Variants in BACE2 observed in about 807,000 individuals in gnomAD.
BACE2 encodes beta-secretase 2, also known as 56 kDa aspartic-like protease.
A neutral mutation model predicts 46.2 loss-of-function variants in BACE2; 17 were observed. The ratio of observed to expected loss-of-function variants is 0.37; its 90% CI spans 0.25 to 0.55. BACE2 has a LOEUF of 0.55. Among genes scored for constraint, BACE2 ranks in the 20% least tolerant of loss-of-function variants. BACE2 has a pLI of 0.82. For missense variants in BACE2, 595 were observed against 698.1 expected (o/e 0.85, Z 1.66); for synonymous variants, 277 against 295.9 (o/e 0.94, Z 0.66).
intron 1 of BACE2, among the ~76,000 whole-genome samples, chr21:41,186,957 C>T (rs2123506970): frequency 6.6e-6 from 1 of 152,336 alleles, no homozygotes; most frequent in Middle Eastern, 3.4e-3. Flanking sequence ...AAACGGTAAA[C>T]CGACATGGCA....
intron 1 of BACE2, among the ~76,000 whole-genome samples, chr21:41,223,083 G>A (rs1450876264): frequency 6.6e-6 from 1 of 152,210 alleles, no homozygotes; most frequent in Non-Finnish European, 1.5e-5. Context: ...GCCAGGTGCA[G>A]TGGCTCATGC....
In BACE2 at chr21:41,246,075, G is replaced by A. The variant is rs761838278; in HGVS notation, c.984+12G>A. 29 of 1,582,126 alleles carry A rather than the reference G, an allele frequency of 1.8e-5. 1 individual carries two copies. In the South Asian group the frequency reaches 2.3e-4, roughly 13 times the overall value. On this transcript the variant is annotated intron_variant, in intron 6 of 8. Coordinates refer to ENST00000330333, the MANE Select transcript of BACE2 (RefSeq NM_012105.5). The stretch of plus-strand genomic sequence containing the variant: ...CCCGCGCATCTCTGGTGAGTCCTCG[G>A]GACACTCACGGGTCCCCGAGTTGCT...
At position 41,277,582 on chromosome 21, in the gene BACE2, C is replaced by T. The variant is rs2088504585; in HGVS notation, c.*1958C>T. 1 of 152,218 alleles carries T rather than the reference C, an allele frequency of 6.6e-6. No individual in the cohort carries two copies. The highest frequency in any genetic ancestry group is 2.4e-5 in the African/African-American group (1 of 41,446). The allele number at this position is 152,218 out of a possible 1,614,324, so 9.4% of individuals were successfully genotyped here. The stretch of plus-strand genomic sequence containing the variant: ...TGAAGCCAACACCCCTAGATTGTGC[C>T]TTCACCCTTGCTGTGAAAAATTCAA... On this transcript the variant is annotated 3_prime_UTR_variant, in exon 9 of 9. Transcript: ENST00000330333.
chr21:41,213,769 G>A (rs1284946715), intron 1 of BACE2, among the ~76,000 whole-genome samples: 10 of 151,210 alleles, frequency 6.6e-5, no homozygotes, highest in Admixed American at 6.6e-4. Context: ...GCGATACTCC[G>A]TCTCAAAAAA....
Position 41,246,007 on chromosome 21 carries a change from C to G in BACE2, c.928C>G (p.Arg310Gly), listed in dbSNP as rs967519091. The G allele has an allele frequency of 1.2e-6, 2 of 1,611,086 alleles. No individual in the cohort carries two copies. Among genetic ancestry groups the G allele is most frequent in the African/African-American group, 2.7e-5 (2 of 74,896 alleles). The part of the protein sequence containing the change: ...AIVDSGTTLL[R>G]LPQKVFDAVV... The stretch of plus-strand genomic sequence containing the variant: ...CGTGGACAGTGGCACCACGCTGCTG[C>G]GCCTGCCCCAGAAGGTGTTTGATGC... Residue 310 changes from arginine to glycine, a missense_variant, in exon 6 of 9, where the codon CGC becomes GGC. Physicochemically the swap from Arg to Gly is moderately radical, Grantham distance 125. Coordinates refer to ENST00000330333, the MANE Select transcript of BACE2 (RefSeq NM_012105.5).
At chr21:41,201,124 G>C (rs960763930) in intron 1 of BACE2, among the ~76,000 whole-genome samples, 1 of 152,168 alleles carries the variant, frequency 6.6e-6, no homozygotes, top group Non-Finnish European at 1.5e-5. Context: ...AGGCCCTCAG[G>C]GACACAGTTG....
rs377115484 is a variant in BACE2, at chr21:41,174,175, G to A, written c.312+5600G>A. ...TTTTTTTTTTTTTTTAAACAGTCTCGCTCTGTTGCCAGGCTGGAGTACAGT... is the reference window on the plus strand; with the variant it reads ...TTTTTTTTTTTTTTTAAACAGTCTCACTCTGTTGCCAGGCTGGAGTACAGT... On this transcript the variant is annotated intron_variant, in intron 1 of 8. Transcript: ENST00000330333. Among the ~76,000 whole-genome samples, 99 of 73,822 alleles carry A rather than the reference G, an allele frequency of 1.3e-3. No individual in the cohort carries two copies. In the East Asian group the frequency reaches 0.024, roughly 18 times the overall value. The allele number at this position is 73,822 out of a possible 152,430, so 48.4% of individuals were successfully genotyped here.
At chr21:41,239,548 T>G (rs1039898168) in intron 3 of BACE2, among the ~76,000 whole-genome samples, 1 of 152,078 alleles carries the variant, frequency 6.6e-6, no homozygotes, top group Admixed American at 6.6e-5. Context: ...TGGCTAAGTT[T>G]TGTAGTTTTG....
intron 1 of BACE2, chr21:41,176,869 T>C (rs1460005327): frequency 1.3e-5 from 2 of 152,162 alleles, no homozygotes; most frequent in African/African-American, 4.8e-5. Flanking sequence ...AAAATACAAG[T>C]GTCATTCTTT....
rs750825869 is a variant in BACE2, at chr21:41,241,931, C to T, written c.731C>T (p.Thr244Ile). The T allele has an allele frequency of 3.8e-5, 62 of 1,614,098 alleles. No individual in the cohort carries two copies. The highest frequency in any genetic ancestry group is 5.3e-5 in the Non-Finnish European group (62 of 1,180,018). The change falls in exon 4 of 9, where the codon ACC (threonine) becomes ATC (isoleucine). Residue 244 changes from threonine to isoleucine, a missense_variant. By Grantham distance (89) the Thr-to-Ile change is moderately conservative (BLOSUM62 -1). Transcript: ENST00000330333. ...GGCTTGCCCGTTGCTGGATCTGGGA[C>T]CAACGGAGGTAGTCTTGTGGGTATC... ...GAGLPVAGSG[T>I]NGGSLVLGGI...
At chr21:41,220,075 G>A (rs1323183352) in intron 1 of BACE2, among the ~76,000 whole-genome samples, 3 of 152,084 alleles carry the variant, frequency 2.0e-5, no homozygotes, top group African/African-American at 7.2e-5. Context: ...CCTATCCTTG[G>A]TTTGATTAAT....
intron 1 of BACE2, among the ~76,000 whole-genome samples, chr21:41,202,653 A>G (rs1985998558): frequency 1.3e-5 from 2 of 152,228 alleles, no homozygotes; most frequent in South Asian, 4.1e-4. Context: ...ATGCCCTAAC[A>G]TTGTAACAAG....
chr21:41,255,730 C>T (rs923293278), intron 7 of BACE2, among the ~76,000 whole-genome samples: 1 of 151,884 alleles, frequency 6.6e-6, no homozygotes, highest in African/African-American at 2.4e-5. Flanking sequence ...GAGGACTAAA[C>T]TCTGACTTTT....
intron 1 of BACE2, 132 bp downstream of exon 1, chr21:41,168,707 C>A: frequency 1.6e-6 from 1 of 608,892 alleles, no homozygotes; most frequent in Non-Finnish European, 2.4e-6. Context: ...GCGGGGAACG[C>A]AGAGGGGCTC....
chr21:41,179,578 A>C (rs1286224853), intron 1 of BACE2: 1 of 1,367,218 alleles, frequency 7.3e-7, no homozygotes, highest in Non-Finnish European at 9.8e-7. Context: ...GTGAGTGCAC[A>C]TGTGTGGTGA....
chr21:41,238,955 A>T (rs1335947189), intron 3 of BACE2, among the ~76,000 whole-genome samples: 4 of 4,240 alleles, frequency 9.4e-4, no homozygotes, highest in Non-Finnish European at 1.8e-3. Flanking sequence ...AAGTATAATT[A>T]AAAAAAAAAA....
At chr21:41,216,254 G>A (rs1016695791) in intron 1 of BACE2, among the ~76,000 whole-genome samples, 1 of 152,202 alleles carries the variant, frequency 6.6e-6, no homozygotes, top group Non-Finnish European at 1.5e-5. Context: ...ATGATGTGAT[G>A]TACAGCCCAG....
intron 2 of BACE2, among the ~76,000 whole-genome samples, chr21:41,228,267 T>C: frequency 6.6e-6 from 1 of 152,172 alleles, no homozygotes; most frequent in Non-Finnish European, 1.5e-5. Flanking sequence ...GACCACGCAG[T>C]AGGCAGATGC....
intron 1 of BACE2, among the ~76,000 whole-genome samples, chr21:41,206,233 G>A (rs759845819): frequency 6.6e-6 from 1 of 152,198 alleles, no homozygotes; most frequent in Non-Finnish European, 1.5e-5. Flanking sequence ...GCTGCAGACT[G>A]CCTGCTCTTC....
Sources: gnomAD v4.1 joint callset for allele counts (sites outside exome capture counted in the v4.1 genomes callset) on GRCh38, gnomAD v4.1.1 for gene constraint, MANE v1.5 for transcripts, NCBI Gene and HGNC (gene_info 2026-07-23, HGNC 2026-07-21) for gene names.